Variants in OPCML observed in about 807,000 individuals in gnomAD.
OPCML encodes opioid binding protein/cell adhesion molecule like, also known as opioid-binding protein/cell adhesion molecule.
In OPCML, 13 loss-of-function variants were observed where a neutral mutation model predicts 37.8. The observed-to-expected ratio is 0.34, with a 90% CI of 0.22 to 0.55. OPCML has a LOEUF of 0.55. Among genes scored for constraint, OPCML ranks in the 20% least tolerant of loss-of-function variants. OPCML has a pLI of 0.91. For missense variants in OPCML, 341 were observed against 435.6 expected (o/e 0.78, Z 1.93); for synonymous variants, 176 against 168.8 (o/e 1.04, Z -0.33).
chr11:133,487,805 G>A lies in OPCML; in HGVS notation c.61+44459C>T, dbSNP rs4267088. ...TGTGTGTGTGTGTGTGTGTGTGTGC[G>A]TGTGTGTAAATTTAAAGTAATCCCA... is the stretch of plus-strand genomic sequence containing the variant. On this transcript the variant is annotated intron_variant, in intron 1 of 7. Transcript: ENST00000524381. Among the ~76,000 whole-genome samples, 437 of 151,638 alleles carry A rather than the reference G, an allele frequency of 2.9e-3. 4 individuals are homozygous for A. Among genetic ancestry groups the A allele is most frequent in the African/African-American group, 9.2e-3 (381 of 41,294 alleles).
At chr11:132,999,175 A>T (rs1946944634) in intron 1 of OPCML, among the ~76,000 whole-genome samples, 1 of 152,146 alleles carries the variant, frequency 6.6e-6, no homozygotes, top group Admixed American at 6.5e-5. Flanking sequence ...TTCTCAGCTC[A>T]TCATAGGGAT....
intron 3 of OPCML, among the ~76,000 whole-genome samples, chr11:132,623,922 G>T (rs1428937914): frequency 6.6e-6 from 1 of 152,192 alleles, no homozygotes; most frequent in Non-Finnish European, 1.5e-5. Flanking sequence ...CTACACACTT[G>T]ATATTTGATG....
chr11:132,456,474 T>C (rs2096083168), intron 4 of OPCML, among the ~76,000 whole-genome samples: 1 of 152,238 alleles, frequency 6.6e-6, no homozygotes, highest in Non-Finnish European at 1.5e-5. Flanking sequence ...TCTAGTCAAA[T>C]ACCCTCGTGA....
rs139807022 is a variant in OPCML, at chr11:132,697,900, G to T, written c.147-40581C>A. ...CTCACCTTAGCCTCCTTGAATAGCAGGGGACCACAGGCATGCATTACCACA... is the reference window on the plus strand; with the variant it reads ...CTCACCTTAGCCTCCTTGAATAGCATGGGACCACAGGCATGCATTACCACA... On this transcript the variant is annotated intron_variant, in intron 2 of 7. Transcript: ENST00000524381. Among the ~76,000 whole-genome samples the T allele has an allele frequency of 3.3e-3, 506 of 151,762 alleles. 5 individuals are homozygous for T. The highest frequency in any genetic ancestry group is 0.012 in the African/African-American group (489 of 41,392).
chr11:133,456,605 C>T (rs1433837835), intron 1 of OPCML, among the ~76,000 whole-genome samples: 2 of 151,998 alleles, frequency 1.3e-5, no homozygotes, highest in Non-Finnish European at 2.9e-5. Context: ...CAGGAAAAGA[C>T]TTCTTAAACA....
chr11:133,528,058 G>A (rs893375464), intron 1 of OPCML, among the ~76,000 whole-genome samples: 1 of 152,244 alleles, frequency 6.6e-6, no homozygotes, highest in African/African-American at 2.4e-5. Context: ...TTACAGAGAT[G>A]TGGCCAAGGG....
At chr11:133,365,363 G>A (rs1464149913) in intron 1 of OPCML, 1 of 152,820 alleles carries the variant, frequency 6.5e-6, no homozygotes, top group South Asian at 1.9e-4. Flanking sequence ...GGCAGATGTG[G>A]TGTCTGACGA....
intron 3 of OPCML, among the ~76,000 whole-genome samples, chr11:132,645,445 G>A (rs1376280956): frequency 1.3e-5 from 2 of 152,084 alleles, no homozygotes; most frequent in African/African-American, 2.4e-5. Flanking sequence ...TTATTTTTAT[G>A]GATTAATAAC....
At chr11:132,520,702 G>GTGTGTGTGTGTGTGTGTGTA (rs150655288) in intron 4 of OPCML, among the ~76,000 whole-genome samples, 257 of 149,716 alleles carry the variant, frequency 1.7e-3, no homozygotes, top group Middle Eastern at 3.4e-3. Flanking sequence ...GTGTGTGTGT[G>GTGTGTGTGTGTGTGTGTGTA]TATGCATATA....
At chr11:132,892,727 G>A (rs903741654) in intron 2 of OPCML, among the ~76,000 whole-genome samples, 7 of 152,192 alleles carry the variant, frequency 4.6e-5, no homozygotes, top group South Asian at 4.1e-4. Flanking sequence ...AGATCATGCC[G>A]TTGCACTCCA....
intron 1 of OPCML, among the ~76,000 whole-genome samples, chr11:133,416,314 T>C (rs1945764052): frequency 6.6e-6 from 1 of 152,194 alleles, no homozygotes; most frequent in Non-Finnish European, 1.5e-5. Flanking sequence ...TCTCTAAAAT[T>C]CTTTAATGGC....
intron 1 of OPCML, among the ~76,000 whole-genome samples, chr11:133,402,275 C>A (rs573932782): frequency 1.3e-5 from 2 of 152,188 alleles, no homozygotes; most frequent in Admixed American, 1.3e-4. Context: ...CTGGCAATAA[C>A]AAGCCCACCC....
chr11:133,389,539 GCAGTA>G (rs1293685667), intron 1 of OPCML, among the ~76,000 whole-genome samples: 1 of 152,162 alleles, frequency 6.6e-6, no homozygotes, highest in Non-Finnish European at 1.5e-5. Flanking sequence ...TGTATTTAGT[GCAGTA>G]CTTGAATAAA....
intron 1 of OPCML, among the ~76,000 whole-genome samples, chr11:133,495,540 G>C (rs937034627): frequency 6.6e-6 from 1 of 152,018 alleles, no homozygotes; most frequent in Non-Finnish European, 1.5e-5. Flanking sequence ...AGCGTTCCCT[G>C]ATCACCGCAT....
At chr11:132,768,401 C>T (rs2136115718) in intron 2 of OPCML, among the ~76,000 whole-genome samples, 1 of 152,278 alleles carries the variant, frequency 6.6e-6, no homozygotes, top group East Asian at 1.9e-4. Context: ...CTCCCCCTGC[C>T]TCCAGACCAC....
intron 1 of OPCML, among the ~76,000 whole-genome samples, chr11:133,384,583 C>T (rs1370683410): frequency 3.3e-5 from 5 of 152,180 alleles, no homozygotes; most frequent in African/African-American, 7.2e-5. Flanking sequence ...TTTTTATTAT[C>T]ATCTCAGTCT....
intron 4 of OPCML, among the ~76,000 whole-genome samples, chr11:132,459,642 A>G (rs1233028383): frequency 6.6e-6 from 1 of 151,624 alleles, no homozygotes; most frequent in Non-Finnish European, 1.5e-5. Context: ...TTTGCTCCAC[A>G]TATCATTTTG....
chr11:132,450,133 C>T lies in OPCML; in HGVS notation c.506-12774G>A, dbSNP rs571750902. 3.0e-4 allele frequency among the ~76,000 whole-genome samples: 46 copies of T among 152,324 alleles called. No homozygotes were observed. In the South Asian group the frequency reaches 9.1e-3, roughly 30 times the overall value. On this transcript the variant is annotated intron_variant, in intron 4 of 7. Transcript: ENST00000524381. ...GGCCCCAGGGGAGACAGACCCCTGC[C>T]TTCCTTGCTGGGTCTTCATGTGCTT...
At chr11:133,062,881 T>C (rs1948374230) in intron 1 of OPCML, among the ~76,000 whole-genome samples, 3 of 152,244 alleles carry the variant, frequency 2.0e-5, no homozygotes, top group South Asian at 4.1e-4. Context: ...CTTTCTGCCT[T>C]GCTCCAGCAC....
Sources: allele counts gnomAD v4.1 joint callset (sites outside exome capture counted in the v4.1 genomes callset), GRCh38; gene constraint gnomAD v4.1.1; transcripts MANE v1.5; gene names NCBI Gene and HGNC (gene_info 2026-07-23, HGNC 2026-07-21).